Variants in NUP160 observed in about 807,000 individuals in gnomAD.
NUP160 encodes the protein nucleoporin 160, also known as nuclear pore complex protein Nup160.
A neutral mutation model predicts 196.9 loss-of-function variants in NUP160; 94 were observed. The observed-to-expected ratio is 0.48, with a 90% CI of 0.40 to 0.57. NUP160 has a LOEUF of 0.57. Ranked by LOEUF, NUP160 falls within the 20% of genes least tolerant of loss-of-function variation. The pLI, the probability that NUP160 is intolerant of heterozygous loss-of-function variation, is 0.00. For synonymous variants in NUP160, 605 were observed against 619.7 expected (o/e 0.98, Z 0.35); for missense variants, 1,638 against 1,748.3 (o/e 0.94, Z 1.13).
intron 4 of NUP160, among the ~76,000 whole-genome samples, chr11:47,838,055 T>C (rs967290063): frequency 6.6e-6 from 1 of 152,076 alleles, no homozygotes; most frequent in African/African-American, 2.4e-5. Flanking sequence ...TTAAGTAGAA[T>C]GGTAGTAAGT....
At chr11:47,846,448 G>A (rs1456391018) in intron 2 of NUP160, among the ~76,000 whole-genome samples, 1 of 151,976 alleles carries the variant, frequency 6.6e-6, no homozygotes, top group African/African-American at 2.4e-5. Context: ...CATCTTCCGG[G>A]TATCTCTGTA....
chr11:47,821,158 A>C (rs990233045), intron 9 of NUP160, among the ~76,000 whole-genome samples: 11 of 152,026 alleles, frequency 7.2e-5, no homozygotes, highest in Non-Finnish European at 1.5e-4. Context: ...GATATGTGCT[A>C]TCTCTCCCAA....
At chr11:47,843,389 T>A (rs1222424406) in intron 2 of NUP160, among the ~76,000 whole-genome samples, 1 of 152,206 alleles carries the variant, frequency 6.6e-6, no homozygotes, top group African/African-American at 2.4e-5. Flanking sequence ...GTTTTCACTC[T>A]CCTCCTCCTT....
chr11:47,782,349 T>G (rs1455830922), intron 34 of NUP160, among the ~76,000 whole-genome samples: 2 of 115,960 alleles, frequency 1.7e-5, no homozygotes, highest in Non-Finnish European at 3.6e-5. Context: ...TATATATATA[T>G]ATATATATGC....
chr11:47,801,687 TA>T, intron 23 of NUP160, 123 bp downstream of exon 23: 1 of 928,644 alleles, frequency 1.1e-6, no homozygotes, highest in Non-Finnish European at 1.6e-6. Context: ...TCATTTTTTT[TA>T]AATTTGGAAG....
At chr11:47,845,791 C>T (rs2135407466) in intron 2 of NUP160, among the ~76,000 whole-genome samples, 1 of 152,266 alleles carries the variant, frequency 6.6e-6, no homozygotes, top group East Asian at 1.9e-4. Context: ...CCACCTCAGC[C>T]TCCTGAGTAG....
chr11:47,840,633 A>C (rs987590826), intron 2 of NUP160, 45 bp from the exon 3 acceptor site: 1 of 1,419,650 alleles, frequency 7.0e-7, no homozygotes, highest in African/African-American at 1.4e-5. Context: ...TGCTTTTCTC[A>C]CTGACTGTTC....
At chr11:47,819,516 T>C (rs1342546994) in intron 9 of NUP160, 58 bp from the exon 10 acceptor site, 2 of 1,251,064 alleles carry the variant, frequency 1.6e-6, no homozygotes, top group Middle Eastern at 1.9e-4. Flanking sequence ...ATGAAATGTA[T>C]GCTGTTGGCA....
chr11:47,826,139 T>TAAAC (rs377604809), intron 7 of NUP160, among the ~76,000 whole-genome samples: 1,782 of 151,942 alleles, frequency 0.012, 17 homozygotes, highest in Non-Finnish European at 0.014. Flanking sequence ...CAAACAGCAT[T>TAAAC]AAACAAACAA....
intron 23 of NUP160, among the ~76,000 whole-genome samples, chr11:47,798,680 A>G (rs2097672333): frequency 6.6e-6 from 1 of 151,934 alleles, no homozygotes. Context: ...TTTTTTAAAA[A>G]TTAGCTGCGT....
chr11:47,807,039 A>C, intron 19 of NUP160, 31 bp downstream of exon 19: 1 of 1,490,420 alleles, frequency 6.7e-7, no homozygotes, highest in Non-Finnish European at 9.3e-7. Context: ...CCCCAGTTTA[A>C]AATGAAATGT....
chr11:47,832,001 A>G (rs1433858229), intron 7 of NUP160, among the ~76,000 whole-genome samples: 1 of 146,346 alleles, frequency 6.8e-6, no homozygotes, highest in Non-Finnish European at 1.5e-5. Context: ...TCCCAGGTTC[A>G]AACCATTCTC....
At chr11:47,781,865 G>T (rs1412443068) in intron 34 of NUP160, among the ~76,000 whole-genome samples, 2 of 152,110 alleles carry the variant, frequency 1.3e-5, no homozygotes, top group Non-Finnish European at 2.9e-5. Flanking sequence ...TTATAAACAG[G>T]AGACTAGAGA....
chr11:47,793,007 G>C (rs965174240), intron 27 of NUP160, 61 bp from the exon 28 acceptor site: 1 of 1,469,910 alleles, frequency 6.8e-7, no homozygotes, highest in African/African-American at 1.4e-5. Flanking sequence ...TTTTTTTGGA[G>C]ACAGAGTCTT....
At chr11:47,794,391 C>G (rs1424010007) in intron 27 of NUP160, among the ~76,000 whole-genome samples, 1 of 152,096 alleles carries the variant, frequency 6.6e-6, no homozygotes, top group Non-Finnish European at 1.5e-5. Flanking sequence ...AGGAGAATGG[C>G]GTGAACCCGG....
At chr11:47,843,116 A>G (rs1284528039) in intron 2 of NUP160, among the ~76,000 whole-genome samples, 1 of 152,114 alleles carries the variant, frequency 6.6e-6, no homozygotes, top group Non-Finnish European at 1.5e-5. Flanking sequence ...TCCCAACTGC[A>G]CATAGATATA....
intron 7 of NUP160, among the ~76,000 whole-genome samples, chr11:47,826,135 G>T (rs1565204359): frequency 6.6e-6 from 1 of 151,728 alleles, no homozygotes; most frequent in African/African-American, 2.4e-5. Context: ...GTCTCAAACA[G>T]CATTAAACAA....
chr11:47,806,335 A>T, intron 19 of NUP160, 23 bp from the exon 20 acceptor site: 2 of 1,552,784 alleles, frequency 1.3e-6, no homozygotes, highest in Non-Finnish European at 1.8e-6. Flanking sequence ...AAGTTATGAC[A>T]GTTTTGTGTA....
intron 21 of NUP160, among the ~76,000 whole-genome samples, chr11:47,804,010 G>C (rs1172750138): frequency 6.6e-6 from 1 of 151,920 alleles, no homozygotes; most frequent in African/African-American, 2.4e-5. Context: ...GTGAAACCCA[G>C]TCACTACTAA....
Sources: gnomAD v4.1 joint callset for allele counts (sites outside exome capture counted in the v4.1 genomes callset) on GRCh38, gnomAD v4.1.1 for gene constraint, MANE v1.5 for transcripts, NCBI Gene and HGNC (gene_info 2026-07-23, HGNC 2026-07-21) for gene names.